AUTS2: variants seen among roughly 807,000 people sequenced by gnomAD.
AUTS2 encodes the protein activator of transcription and developmental regulator AUTS2, also known as autism susceptibility gene 2 protein.
A neutral mutation model predicts 112.4 loss-of-function variants in AUTS2; 17 were observed. The observed-to-expected ratio is 0.15, with a 90% CI of 0.10 to 0.23. AUTS2 has a LOEUF of 0.23. Among genes scored for constraint, AUTS2 ranks in the 10% least tolerant of loss-of-function variants. AUTS2 has a pLI of 1.00. For missense variants in AUTS2, 1,510 were observed against 1,701.6 expected (o/e 0.89, Z 1.98); for synonymous variants, 751 against 702.7 (o/e 1.07, Z -1.09).
intron 6 of AUTS2, among the ~76,000 whole-genome samples, chr7:70,735,650 G>C (rs1251875290): frequency 6.6e-6 from 1 of 152,174 alleles, no homozygotes; most frequent in Non-Finnish European, 1.5e-5. Context: ...GCATGTGTTG[G>C]CTCTACTGTG....
intron 5 of AUTS2, among the ~76,000 whole-genome samples, chr7:70,536,241 A>ATGG (rs1307302289): frequency 6.6e-6 from 1 of 152,206 alleles, no homozygotes. Context: ...GTGAGCCGAG[A>ATGG]TGGTGCCACT....
chr7:69,864,668 G>A (rs555091127), intron 1 of AUTS2, among the ~76,000 whole-genome samples: 1 of 152,240 alleles, frequency 6.6e-6, no homozygotes, highest in South Asian at 2.1e-4. Flanking sequence ...CTGAGAGGGA[G>A]AACATACTTT....
At chr7:69,714,905 TTA>T (rs143903441) in intron 1 of AUTS2, among the ~76,000 whole-genome samples, 15 of 150,916 alleles carry the variant, frequency 9.9e-5, no homozygotes, top group South Asian at 2.1e-4. Context: ...TCAGCATACT[TTA>T]TATATATATA....
At chr7:69,671,706 A>G (rs188791876) in intron 1 of AUTS2, among the ~76,000 whole-genome samples, 3 of 152,250 alleles carry the variant, frequency 2.0e-5, no homozygotes, top group Non-Finnish European at 2.9e-5. Flanking sequence ...CTTTAGGACA[A>G]TTAGTTTTGT....
chr7:70,623,786 T>C lies in AUTS2; in HGVS notation c.691-74783T>C, dbSNP rs549272040. 1.4e-3 allele frequency among the ~76,000 whole-genome samples: 216 copies of C among 152,324 alleles called. 1 individual carries two copies. Among genetic ancestry groups the C allele is most frequent in the African/African-American group, 5.0e-3 (207 of 41,582 alleles). ...AGAATGCTGGCCAGGCTTCTCTGTT[T>C]TATATCTCATCACAATGAGGGCCAT... On this transcript the variant is annotated intron_variant, in intron 5 of 18. Coordinates refer to ENST00000342771, the MANE Select transcript of AUTS2 (RefSeq NM_015570.4).
In AUTS2 at chr7:70,046,864, A is replaced by G. The variant is rs371421416; in HGVS notation, c.523-71268A>G. ...TTGTGTCCAAGAGTGGTGGTGCTAT[A>G]TTGTCCTAGAATTGTTTGAATTTTA... On this transcript the variant is annotated intron_variant, in intron 2 of 18. Transcript: ENST00000342771. Among the ~76,000 whole-genome samples the G allele has an allele frequency of 7.9e-5, 12 of 152,234 alleles. 1 individual carries two copies. The East Asian group carries it at 1.4e-3, about 17-fold the overall frequency.
chr7:70,665,796 T>A (rs910654286), intron 5 of AUTS2, among the ~76,000 whole-genome samples: 11 of 152,190 alleles, frequency 7.2e-5, no homozygotes, highest in Non-Finnish European at 1.3e-4. Context: ...TTTGTATGCA[T>A]GTATTCTGCC....
At chr7:69,768,948 A>G (rs1788545133) in intron 1 of AUTS2, among the ~76,000 whole-genome samples, 2 of 152,216 alleles carry the variant, frequency 1.3e-5, no homozygotes, top group Non-Finnish European at 2.9e-5. Flanking sequence ...TGTCCAAACC[A>G]TGAAATGCAT....
chr7:69,910,791 C>T (rs1004574791), intron 2 of AUTS2, among the ~76,000 whole-genome samples: 25 of 152,020 alleles, frequency 1.6e-4, no homozygotes, highest in African/African-American at 2.4e-4. Flanking sequence ...CCACGCCCAG[C>T]GAATTTTTGT....
chr7:70,714,550 G>T (rs935670638), intron 6 of AUTS2, among the ~76,000 whole-genome samples: 1 of 152,128 alleles, frequency 6.6e-6, no homozygotes, highest in Non-Finnish European at 1.5e-5. Context: ...CATTTTACGT[G>T]ATCTGTGCAC....
chr7:69,713,639 T>G (rs1798442881), intron 1 of AUTS2, among the ~76,000 whole-genome samples: 1 of 151,982 alleles, frequency 6.6e-6, no homozygotes, highest in South Asian at 2.1e-4. Flanking sequence ...TATTGTATTT[T>G]TAGTAGAGAT....
At chr7:69,643,003 C>CT (rs1255143055) in intron 1 of AUTS2, among the ~76,000 whole-genome samples, 1 of 152,144 alleles carries the variant, frequency 6.6e-6, no homozygotes, top group Non-Finnish European at 1.5e-5. Context: ...TGGGGTCTCA[C>CT]TTACACGCTT....
At chr7:70,245,175 A>G (rs1358280509) in intron 4 of AUTS2, among the ~76,000 whole-genome samples, 3 of 134,526 alleles carry the variant, frequency 2.2e-5, no homozygotes, top group Admixed American at 2.2e-4. Context: ...TATATAAAAA[A>G]TAAAAAATAA....
intron 5 of AUTS2, among the ~76,000 whole-genome samples, chr7:70,501,027 T>C (rs760517378): frequency 5.9e-5 from 9 of 152,198 alleles, no homozygotes; most frequent in Non-Finnish European, 8.8e-5. Flanking sequence ...CTGGCCCGAA[T>C]TGATACCTCC....
At chr7:70,377,325 AATATATAT>A (rs58244266) in intron 4 of AUTS2, among the ~76,000 whole-genome samples, 906 of 52,042 alleles carry the variant, frequency 0.017, 20 homozygotes, top group Middle Eastern at 0.035. Context: ...AACAAATATA[AATATATAT>A]ATATATATAT....
At chr7:70,517,710 A>G (rs550347311) in intron 5 of AUTS2, among the ~76,000 whole-genome samples, 2 of 151,810 alleles carry the variant, frequency 1.3e-5, no homozygotes, top group East Asian at 1.9e-4. Context: ...TAATATACAC[A>G]TACATAGTTT....
At position 69,999,269 on chromosome 7, in the gene AUTS2, T is replaced by G. The variant is rs111873123; in HGVS notation, c.522+99771T>G. On this transcript the variant is annotated intron_variant, in intron 2 of 18. Transcript: ENST00000342771. The stretch of plus-strand genomic sequence containing the variant: ...ACACTGATTGCTAGGTGTAGAAAAA[T>G]GTATGTTGCCTGAATCTGAAGGCAT... 4.2e-4 allele frequency among the ~76,000 whole-genome samples: 64 copies of G among 152,192 alleles called. 5 individuals are homozygous for G. The highest frequency in any genetic ancestry group is 1.4e-3 in the African/African-American group (60 of 41,510).
At chr7:70,224,395 A>C (rs796603285) in intron 4 of AUTS2, among the ~76,000 whole-genome samples, 25 of 137,134 alleles carry the variant, frequency 1.8e-4, no homozygotes, top group Non-Finnish European at 2.0e-4. Flanking sequence ...AATACAATAC[A>C]ATACAATATA....
chr7:70,519,055 C>G (rs1457939953), intron 5 of AUTS2, among the ~76,000 whole-genome samples: 3 of 151,988 alleles, frequency 2.0e-5, no homozygotes, highest in African/African-American at 7.2e-5. Context: ...GGACTTTTCT[C>G]CATTAAAAAA....
Sources: gnomAD v4.1 joint callset for allele counts (sites outside exome capture counted in the v4.1 genomes callset) on GRCh38, gnomAD v4.1.1 for gene constraint, MANE v1.5 for transcripts, NCBI Gene and HGNC (gene_info 2026-07-23, HGNC 2026-07-21) for gene names.